Variants in HOOK3 observed in about 807,000 individuals in gnomAD.
The protein encoded by HOOK3 is protein Hook homolog 3.
A neutral mutation model predicts 116.3 loss-of-function variants in HOOK3; 24 were observed. That is an observed-to-expected ratio of 0.21 (90% confidence interval 0.15 to 0.29). The LOEUF (loss-of-function observed/expected upper bound fraction) is 0.29. Ranked by LOEUF, HOOK3 falls within the 10% of genes least tolerant of loss-of-function variation. HOOK3 has a pLI of 1.00. For synonymous variants in HOOK3, 275 were observed against 283.0 expected (o/e 0.97, Z 0.28); for missense variants, 632 against 830.2 (o/e 0.76, Z 2.93).
intron 4 of HOOK3, among the ~76,000 whole-genome samples, chr8:42,938,775 G>A (rs896605342): frequency 2.6e-5 from 4 of 151,628 alleles, no homozygotes; most frequent in Admixed American, 6.6e-5. Flanking sequence ...GGGGGATTTG[G>A]CAGGGTCACA....
intron 11 of HOOK3, among the ~76,000 whole-genome samples, chr8:42,972,324 C>G (rs1326306798): frequency 1.3e-5 from 2 of 152,156 alleles, no homozygotes; most frequent in East Asian, 3.8e-4. Flanking sequence ...TAGGTTTTCC[C>G]AGACAATGCA....
At chr8:42,959,138 C>T in intron 7 of HOOK3, 93 bp from the exon 8 acceptor site, 1 of 782,446 alleles carries the variant, frequency 1.3e-6, no homozygotes, top group Non-Finnish European at 2.1e-6. Context: ...TCAGGAAAGA[C>T]AGGGGGGAGA....
chr8:42,925,094 C>A (rs1168026600), intron 2 of HOOK3, among the ~76,000 whole-genome samples: 1 of 151,484 alleles, frequency 6.6e-6, no homozygotes, highest in African/African-American at 2.4e-5. Flanking sequence ...TGTTTTTGTT[C>A]GGTTTTTTGT....
At position 42,959,227 on chromosome 8, in the gene HOOK3, C is replaced by A. The variant is rs1022471235; in HGVS notation, c.532-4C>A. The stretch of plus-strand genomic sequence containing the variant: ...AAAATGTTTATCTCTTTGTTTCTAA[C>A]CAGCTGAAGAAAACTACAGAGGAAC... On this transcript the variant is annotated splice_region_variant and splice_polypyrimidine_tract_variant and intron_variant, in intron 7 of 21. Coordinates refer to ENST00000307602, the MANE Select transcript of HOOK3 (RefSeq NM_032410.4). 1.9e-6 allele frequency: 3 copies of A among 1,601,302 alleles called. No individual in the cohort carries two copies. The highest frequency in any genetic ancestry group is 2.7e-5 in the African/African-American group (2 of 74,454).
Position 42,996,325 on chromosome 8 carries a change from G to A in HOOK3, c.1533-1225G>A, listed in dbSNP as rs1043874862. On this transcript the variant is annotated intron_variant, in intron 15 of 21. Transcript: ENST00000307602. The stretch of plus-strand genomic sequence containing the variant: ...TGCTTGAGCCTGGGAGGCGGAGGTT[G>A]CAGTGAGCTGAGATTGCACCATTGC... 3.3e-5 allele frequency among the ~76,000 whole-genome samples: 5 copies of A among 150,144 alleles called. No homozygotes were observed. The South Asian group carries it at 8.4e-4, about 25-fold the overall frequency.
At chr8:43,016,122 GTT>G (rs35456975) in intron 21 of HOOK3, among the ~76,000 whole-genome samples, 166 of 143,878 alleles carry the variant, frequency 1.2e-3, no homozygotes, top group East Asian at 1.4e-3. Context: ...GTCCTAATTT[GTT>G]TTTTTTTTTT....
intron 13 of HOOK3, among the ~76,000 whole-genome samples, chr8:42,976,040 A>ATATGTGTGTG (rs146604728): frequency 6.7e-6 from 1 of 148,732 alleles, no homozygotes; most frequent in Non-Finnish European, 1.5e-5. Flanking sequence ...GTATATATAT[A>ATATGTGTGTG]TGTGTGTGTG....
In HOOK3 at chr8:43,012,636, G is replaced by A. The variant is rs148664074; in HGVS notation, c.1840-415G>A. 4.3e-3 allele frequency among the ~76,000 whole-genome samples: 660 copies of A among 152,166 alleles called. 4 individuals are homozygous for A. The highest frequency in any genetic ancestry group is 0.014 in the African/African-American group (577 of 41,506). On this transcript the variant is annotated intron_variant, in intron 19 of 21. Transcript: ENST00000307602. Reference sequence around the variant, plus strand: ...TTTTTTTTAGACAGATTCTTGCTCTGTTGCCCAGGCTGGAGCACAGTGACA... The same window carrying A: ...TTTTTTTTAGACAGATTCTTGCTCTATTGCCCAGGCTGGAGCACAGTGACA...
chr8:42,986,746 C>T lies in HOOK3; in HGVS notation c.1483C>T (p.Leu495Phe). 2 of 1,613,818 alleles carry T rather than the reference C, an allele frequency of 1.2e-6. No individual in the cohort carries two copies. Among genetic ancestry groups the T allele is most frequent in the Non-Finnish European group, 1.7e-6 (2 of 1,179,844 alleles). Reference sequence around the variant, plus strand: ...TGAAAAAATAGCCTTATTGCAGAGCCTTCTAGATGATGCAAATCTACGCAA... The same window carrying T: ...TGAAAAAATAGCCTTATTGCAGAGCTTTCTAGATGATGCAAATCTACGCAA... The part of the protein sequence containing the change: ...DNEKIALLQS[L>F]LDDANLRKNE... Residue 495 changes from leucine to phenylalanine, a missense_variant, in exon 15 of 22, where the codon CTT (leucine) becomes TTT (phenylalanine). This residue lies in a region of HOOK3 where 483 missense variants were observed against 648.1 expected (regional missense o/e 0.75). Coordinates refer to ENST00000307602, the MANE Select transcript of HOOK3 (RefSeq NM_032410.4).
rs537637134 is a variant in HOOK3 at position 43,018,227 on chromosome 8, A to G, written c.2017-131A>G. On this transcript the variant is annotated intron_variant, in intron 21 of 21. Transcript: ENST00000307602. ...ATGCCTCTATGAGATTTTAATCTAT[A>G]GTGAGTAGTATTAACATTCCTAATT... is the stretch of plus-strand genomic sequence containing the variant. 45 of 794,710 alleles carry G rather than the reference A, an allele frequency of 5.7e-5. No individual in the cohort carries two copies. In the African/African-American group the frequency reaches 7.7e-4, roughly 14 times the overall value. 49.2% of individuals were successfully genotyped at this position (794,710 alleles called of 1,614,324 possible).
rs372731765 is a variant in HOOK3 at position 42,906,208 on chromosome 8, C to G, written c.93C>G (p.Thr31=). Residue 31 remains threonine (T), a synonymous_variant, in exon 2 of 22, where the codon ACC becomes ACG. Transcript: ENST00000307602. ...QTFNVDAPCQ[T]VEDLTNGVVM... is the part of the protein sequence containing the mutation. ...TTAATGTGGATGCACCATGCCAGAC[C>G]GTGGAAGATTTAACGAATGGGGTTG... 7 of 1,548,142 alleles carry G rather than the reference C, an allele frequency of 4.5e-6. No homozygotes were observed. The highest frequency in any genetic ancestry group is 3.5e-5 in the Admixed American group (2 of 57,578).
chr8:43,013,574 C>T (rs1289789381), intron 21 of HOOK3, among the ~76,000 whole-genome samples, 174 bp downstream of exon 21: 1 of 152,092 alleles, frequency 6.6e-6, no homozygotes, highest in Non-Finnish European at 1.5e-5. Context: ...ACTATGAGAA[C>T]CACTGTAAAC....
intron 3 of HOOK3, among the ~76,000 whole-genome samples, chr8:42,925,993 G>C (rs1807758013): frequency 6.6e-6 from 1 of 152,176 alleles, no homozygotes; most frequent in Admixed American, 6.5e-5. Context: ...CAAGTACTTA[G>C]AATAGTGCAC....
intron 13 of HOOK3, among the ~76,000 whole-genome samples, chr8:42,977,498 GA>G (rs148675583): frequency 0.018 from 2,677 of 150,170 alleles, 44 homozygotes; most frequent in Non-Finnish European, 0.022. Context: ...TCACTAAGAG[GA>G]AAAAAAAAGA....
intron 13 of HOOK3, among the ~76,000 whole-genome samples, chr8:42,978,694 A>G (rs1808874973): frequency 6.6e-6 from 1 of 152,042 alleles, no homozygotes; most frequent in African/African-American, 2.4e-5. Context: ...GATTACAGCC[A>G]TGAGCCACCA....
chr8:43,009,546 A>G (rs1376774153), intron 18 of HOOK3, among the ~76,000 whole-genome samples: 6 of 152,178 alleles, frequency 3.9e-5, no homozygotes, highest in Non-Finnish European at 8.8e-5. Context: ...ATGTAGTTCC[A>G]TGTAAGTCAT....
chr8:42,968,040 A>G lies in HOOK3; in HGVS notation c.948A>G (p.Leu316=). The G allele has an allele frequency of 6.3e-7, 1 of 1,595,010 alleles. No individual in the cohort carries two copies. The highest frequency in any genetic ancestry group is 8.6e-7 in the Non-Finnish European group (1 of 1,162,994). ...ATTCTTCTGATAAAGTATCTAAACT[A>G]GAAGGTCAAGTAGAATCTTATAAAA... ...LRHSSDKVSK[L]EGQVESYKKK... Residue 316 remains leucine (L), a synonymous_variant, in exon 11 of 22, where the codon CTA becomes CTG. Coordinates refer to ENST00000307602, the MANE Select transcript of HOOK3 (RefSeq NM_032410.4).
rs1808491449 is a variant in HOOK3, at chr8:42,959,153, T to C, written c.532-78T>C. 13 of 937,678 alleles carry C rather than the reference T, an allele frequency of 1.4e-5. No individual in the cohort carries two copies. In the South Asian group the frequency reaches 1.9e-4, roughly 14 times the overall value. The allele number at this position is 937,678 out of a possible 1,614,324, so 58.1% of individuals were successfully genotyped here. A position where few individuals can be genotyped will look rare whatever the true frequency, so the allele number is the denominator to read the frequency against. On this transcript the variant is annotated intron_variant, in intron 7 of 21. Transcript: ENST00000307602. ...TCAGGAAAGACAGGGGGGAGATGTT[T>C]TAATTCTGTGTTGAACATACGAATT...
chr8:42,904,725 AT>A (rs1392400089), intron 1 of HOOK3, among the ~76,000 whole-genome samples: 1 of 152,038 alleles, frequency 6.6e-6, no homozygotes, highest in Non-Finnish European at 1.5e-5. Context: ...TTACATGTTA[AT>A]TCTTCAGTTT....
Sources: allele counts gnomAD v4.1 joint callset (sites outside exome capture counted in the v4.1 genomes callset), GRCh38; gene constraint gnomAD v4.1.1; regional missense constraint gnomAD v4.1.1; transcripts MANE v1.5; gene names NCBI Gene and HGNC (gene_info 2026-07-23, HGNC 2026-07-21).